Variants in EBF1 observed in about 807,000 individuals in gnomAD.
EBF1 encodes EBF transcription factor 1.
Under a neutral mutation model 68.4 loss-of-function variants are expected in EBF1, and 10 were observed. The observed-to-expected ratio is 0.15, with a 90% CI of 0.09 to 0.25. The LOEUF (loss-of-function observed/expected upper bound fraction) is 0.25, where lower values mean the gene tolerates loss of function less well. Ranked by LOEUF, EBF1 falls within the 10% of genes least tolerant of loss-of-function variation. The probability of loss-of-function intolerance (pLI) is 1.00; values close to 1 mark genes in which losing one functional copy is unlikely to be tolerated. For missense variants in EBF1, 509 were observed against 794.4 expected (o/e 0.64, Z 4.32); for synonymous variants, 298 against 299.8 (o/e 0.99, Z 0.06).
At chr5:158,750,452 A>G (rs755631029) in intron 10 of EBF1, among the ~76,000 whole-genome samples, 1 of 152,120 alleles carries the variant, frequency 6.6e-6, no homozygotes, top group African/African-American at 2.4e-5. Flanking sequence ...CAGATAATAT[A>G]CATTTAGTAC....
intron 6 of EBF1, among the ~76,000 whole-genome samples, chr5:159,053,605 T>TCACACACACA (rs3062333): frequency 2.0e-3 from 300 of 146,404 alleles, no homozygotes; most frequent in African/African-American, 7.4e-3. Context: ...TCTCTCTCTC[T>TCACACACACA]CACACACACA....
intron 6 of EBF1, among the ~76,000 whole-genome samples, chr5:158,976,222 A>T (rs1561682273): frequency 6.6e-6 from 1 of 152,206 alleles, no homozygotes; most frequent in Non-Finnish European, 1.5e-5. Context: ...AAAAGAATCT[A>T]AATAACTCAA....
At chr5:158,774,980 T>C (rs887201424) in intron 10 of EBF1, among the ~76,000 whole-genome samples, 1 of 141,522 alleles carries the variant, frequency 7.1e-6, no homozygotes, top group African/African-American at 2.7e-5. Context: ...TCTTCTAGAA[T>C]ATTTAAAAAA....
intron 6 of EBF1, among the ~76,000 whole-genome samples, chr5:158,961,486 G>A (rs1238697386): frequency 1.3e-5 from 2 of 151,994 alleles, no homozygotes; most frequent in Non-Finnish European, 1.5e-5. Flanking sequence ...AAAAAATTAT[G>A]AGATACACTA....
intron 11 of EBF1, among the ~76,000 whole-genome samples, chr5:158,722,556 C>T (rs942274596): frequency 2.0e-5 from 3 of 152,240 alleles, no homozygotes; most frequent in East Asian, 3.9e-4. Flanking sequence ...TATAGGGAAA[C>T]TTGAGTGACA....
chr5:158,702,643 C>A (rs574980041), intron 15 of EBF1, among the ~76,000 whole-genome samples: 1 of 140,936 alleles, frequency 7.1e-6, no homozygotes, highest in South Asian at 2.4e-4. Context: ...ACTCAGGAGG[C>A]TGAGGCAGGA....
At chr5:158,772,257 G>C (rs1375292891) in intron 10 of EBF1, among the ~76,000 whole-genome samples, 1 of 152,126 alleles carries the variant, frequency 6.6e-6, no homozygotes, top group Non-Finnish European at 1.5e-5. Flanking sequence ...CAATGACTTT[G>C]TTCAAGCCCA....
intron 6 of EBF1, among the ~76,000 whole-genome samples, chr5:159,053,994 A>G (rs1429757425): frequency 6.6e-6 from 1 of 152,248 alleles, no homozygotes; most frequent in Non-Finnish European, 1.5e-5. Context: ...GGCCCAAAGC[A>G]CCATGAGGCC....
At chr5:159,014,795 G>A (rs1765347278) in intron 6 of EBF1, among the ~76,000 whole-genome samples, 1 of 152,130 alleles carries the variant, frequency 6.6e-6, no homozygotes, top group African/African-American at 2.4e-5. Flanking sequence ...TAAGAGGAAG[G>A]GTCTGCCCTG....
At chr5:158,953,793 T>A (rs1440828599) in intron 6 of EBF1, among the ~76,000 whole-genome samples, 1 of 152,172 alleles carries the variant, frequency 6.6e-6, no homozygotes, top group Non-Finnish European at 1.5e-5. Context: ...AAGAGGAGTA[T>A]AGCCTGTGAC....
In EBF1 at chr5:158,794,038, G is replaced by A. The variant is rs573902040; in HGVS notation, c.909+2307C>T. On this transcript the variant is annotated intron_variant, in intron 9 of 15. Coordinates refer to ENST00000313708, the MANE Select transcript of EBF1 (RefSeq NM_024007.5). ...CCCAACTGCTAATGCAGTTGGATTT[G>A]CTTGTTTTAAAAGAAGATCTGCACA... is the stretch of plus-strand genomic sequence containing the variant. Among the ~76,000 whole-genome samples, 11 of 152,302 alleles carry A rather than the reference G, an allele frequency of 7.2e-5. No homozygotes were observed. In the East Asian group the frequency reaches 2.1e-3, roughly 29 times the overall value.
chr5:158,921,979 A>AAG (rs746394960), intron 6 of EBF1, among the ~76,000 whole-genome samples: 39 of 152,050 alleles, frequency 2.6e-4, no homozygotes, highest in Non-Finnish European at 5.1e-4. Context: ...AATCTTCTAA[A>AAG]AGAGAGAGAG....
At chr5:158,728,229 A>G (rs1340373327) in intron 11 of EBF1, among the ~76,000 whole-genome samples, 1 of 152,184 alleles carries the variant, frequency 6.6e-6, no homozygotes, top group Admixed American at 6.5e-5. Flanking sequence ...TCTGAGTCAC[A>G]CTGAGAGCTT....
chr5:158,839,170 T>A (rs144577518), intron 7 of EBF1, among the ~76,000 whole-genome samples: 2 of 152,356 alleles, frequency 1.3e-5, no homozygotes, highest in African/African-American at 4.8e-5. Flanking sequence ...AGTAAATGTA[T>A]AATTAAGGAC....
intron 6 of EBF1, among the ~76,000 whole-genome samples, chr5:158,879,382 G>A (rs13155183): frequency 0.16 from 23,657 of 152,188 alleles, 1,911 homozygotes; most frequent in Non-Finnish European, 0.18. Context: ...TCCTGAGAAA[G>A]AGGAAAGTTC....
Position 159,065,589 on chromosome 5 carries a change from T to C in EBF1, c.554+7807A>G, listed in dbSNP as rs192179932. 1.5e-3 allele frequency among the ~76,000 whole-genome samples: 227 copies of C among 152,200 alleles called. 2 individuals are homozygous for C. Among genetic ancestry groups the C allele is most frequent in the African/African-American group, 5.1e-3 (210 of 41,524 alleles). ...ACACATGGTATCAATATTAAGTTAA[T>C]TGAGCAGCAAATGAGCAAAAAAGTT... On this transcript the variant is annotated intron_variant, in intron 6 of 15. Coordinates refer to ENST00000313708, the MANE Select transcript of EBF1 (RefSeq NM_024007.5).
At chr5:158,981,784 C>T (rs1757948020) in intron 6 of EBF1, among the ~76,000 whole-genome samples, 1 of 152,132 alleles carries the variant, frequency 6.6e-6, no homozygotes, top group African/African-American at 2.4e-5. Flanking sequence ...CAGAACTGCA[C>T]TGACTGATGT....
chr5:159,074,751 G>A (rs1778429777), intron 5 of EBF1, among the ~76,000 whole-genome samples: 1 of 152,206 alleles, frequency 6.6e-6, no homozygotes, highest in South Asian at 2.1e-4. Context: ...GAGAGTAAGA[G>A]TAAGAACTGT....
In EBF1 at chr5:158,890,561, A is replaced by G. The variant is rs1010820084; in HGVS notation, c.555-50451T>C. Among the ~76,000 whole-genome samples the G allele has an allele frequency of 3.6e-4, 55 of 152,352 alleles. 1 individual carries two copies. Among genetic ancestry groups the G allele is most frequent in the African/African-American group, 1.2e-3 (51 of 41,590 alleles). On this transcript the variant is annotated intron_variant, in intron 6 of 15. Coordinates refer to ENST00000313708, the MANE Select transcript of EBF1 (RefSeq NM_024007.5). Reference sequence around the variant, plus strand: ...TCAGTCATTTCTTTCTCATTGTTACAAATGGAGACAAGAACTGAGAGCAGC... The same window carrying G: ...TCAGTCATTTCTTTCTCATTGTTACGAATGGAGACAAGAACTGAGAGCAGC...
Sources: allele counts gnomAD v4.1 joint callset (sites outside exome capture counted in the v4.1 genomes callset), GRCh38; gene constraint gnomAD v4.1.1; transcripts MANE v1.5; gene names NCBI Gene and HGNC (gene_info 2026-07-23, HGNC 2026-07-21).